The following SHC3 variants were observed in gnomAD, a reference collection of about 807,000 sequenced individuals.
SHC3 encodes the protein SHC-transforming protein 3.
Under a neutral mutation model 60.4 loss-of-function variants are expected in SHC3, and 15 were observed. The observed-to-expected ratio is 0.25, with a 90% CI of 0.17 to 0.38. The LOEUF is 0.38. Ranked by LOEUF, SHC3 falls within the 10% of genes least tolerant of loss-of-function variation. SHC3 has a pLI of 1.00. For missense variants in SHC3, 677 were observed against 786.1 expected (o/e 0.86, Z 1.66); for synonymous variants, 294 against 325.9 (o/e 0.90, Z 1.05).
Position 89,101,875 on chromosome 9 carries a change from T to C in SHC3, c.545+10681A>G, listed in dbSNP as rs1825788689. On this transcript the variant is annotated intron_variant, in intron 2 of 11. Coordinates refer to ENST00000375835, the MANE Select transcript of SHC3 (RefSeq NM_016848.6). ...AAACTGGAAAGTGTTCCCTCCTATA[T>C]TCTGGAAAAGATTGTGGAGAATTGA... 2.6e-5 allele frequency among the ~76,000 whole-genome samples: 4 copies of C among 152,148 alleles called. No homozygotes were observed. In the South Asian group the frequency reaches 8.3e-4, roughly 31 times the overall value.
At chr9:89,165,264 G>GTGTGTGTGTGTT in intron 1 of SHC3, among the ~76,000 whole-genome samples, 1 of 151,654 alleles carries the variant, frequency 6.6e-6, no homozygotes, top group African/African-American at 2.4e-5. Context: ...ACGTGTTTGT[G>GTGTGTGTGTGTT]TGTGTGTGTG....
At position 89,009,549 on chromosome 9, in the gene SHC3, C is replaced by T. The variant is rs1235084356; in HGVS notation, c.*3898G>A. 1 of 152,206 alleles carries T rather than the reference C, an allele frequency of 6.6e-6. No individual in the cohort carries two copies. The highest frequency in any genetic ancestry group is 1.5e-5 in the Non-Finnish European group (1 of 68,038). 9.4% of individuals were successfully genotyped at this position (152,206 alleles called of 1,614,324 possible). ...TTATATGTTTCATATATTTGTCAAT[C>T]CCCAGCACGCCCTCAAGCTGGGAAC... On this transcript the variant is annotated 3_prime_UTR_variant, in exon 12 of 12. Transcript: ENST00000375835.
intron 1 of SHC3, among the ~76,000 whole-genome samples, chr9:89,158,931 T>C (rs1278378845): frequency 6.6e-6 from 1 of 152,210 alleles, no homozygotes; most frequent in East Asian, 1.9e-4. Context: ...CCACCGGCTT[T>C]CTCAATTACA....
chr9:89,052,267 G>C (rs1824874296), intron 6 of SHC3, 104 bp from the exon 7 acceptor site: 1 of 1,409,488 alleles, frequency 7.1e-7, no homozygotes. Context: ...AGAGGTGCAT[G>C]CTTCTTCCAT....
chr9:89,049,476 A>G (rs570109489), intron 7 of SHC3, among the ~76,000 whole-genome samples: 60 of 152,276 alleles, frequency 3.9e-4, no homozygotes, highest in African/African-American at 1.2e-3. Context: ...AACTCCCTCC[A>G]TTCATTTTTG....
chr9:89,111,277 A>G (rs1033801329), intron 2 of SHC3, among the ~76,000 whole-genome samples: 3 of 152,122 alleles, frequency 2.0e-5, no homozygotes, highest in Non-Finnish European at 2.9e-5. Flanking sequence ...AAAAACTATC[A>G]CCACACAGGA....
At chr9:89,119,389 C>G (rs1352401718) in intron 1 of SHC3, among the ~76,000 whole-genome samples, 1 of 151,840 alleles carries the variant, frequency 6.6e-6, no homozygotes, top group Non-Finnish European at 1.5e-5. Flanking sequence ...AGTCAAAGCC[C>G]TTCACAGGTT....
At chr9:89,027,164 A>G (rs1371329384) in intron 11 of SHC3, among the ~76,000 whole-genome samples, 1 of 152,192 alleles carries the variant, frequency 6.6e-6, no homozygotes, top group Non-Finnish European at 1.5e-5. Context: ...GGCTAGACGC[A>G]TTGTCCTGGT....
intron 1 of SHC3, 129 bp downstream of exon 1, chr9:89,177,858 C>A (rs1826964867): frequency 4.5e-6 from 5 of 1,116,126 alleles, no homozygotes; most frequent in African/African-American, 3.3e-5. Context: ...CTAAGGAGTG[C>A]GCATTTGCTT....
chr9:89,031,646 A>T lies in SHC3; in HGVS notation c.1656+6347T>A, dbSNP rs184532951. Among the ~76,000 whole-genome samples the T allele has an allele frequency of 1.3e-3, 195 of 152,248 alleles. 1 individual carries two copies. The highest frequency in any genetic ancestry group is 4.6e-3 in the African/African-American group (190 of 41,530). On this transcript the variant is annotated intron_variant, in intron 11 of 11. Coordinates refer to ENST00000375835, the MANE Select transcript of SHC3 (RefSeq NM_016848.6). ...TTACTTTCTTATTTATCTGTTGATGACACTTGAATTGTTTCTACCTTTTGG... is the reference window on the plus strand; with the variant it reads ...TTACTTTCTTATTTATCTGTTGATGTCACTTGAATTGTTTCTACCTTTTGG...
chr9:89,073,857 A>C (rs1246347589), intron 4 of SHC3, among the ~76,000 whole-genome samples: 1 of 152,244 alleles, frequency 6.6e-6, no homozygotes, highest in Non-Finnish European at 1.5e-5. Flanking sequence ...AGGAGAGTGC[A>C]GAGGTGAGCC....
intron 1 of SHC3, among the ~76,000 whole-genome samples, chr9:89,138,272 A>C (rs1199486509): frequency 6.6e-6 from 1 of 152,252 alleles, no homozygotes; most frequent in African/African-American, 2.4e-5. Context: ...TTAAGAAAGT[A>C]AAGGAATAAG....
chr9:89,043,558 G>C (rs556973125), intron 9 of SHC3, among the ~76,000 whole-genome samples: 245 of 152,284 alleles, frequency 1.6e-3, no homozygotes, highest in African/African-American at 5.7e-3. Flanking sequence ...ACGTGCCATC[G>C]TGATACCTGG....
intron 11 of SHC3, among the ~76,000 whole-genome samples, chr9:89,027,921 A>G (rs953136919): frequency 1.3e-5 from 2 of 152,232 alleles, no homozygotes; most frequent in Non-Finnish European, 2.9e-5. Context: ...ACTCCTCAGT[A>G]ACTGAGCCTG....
intron 6 of SHC3, among the ~76,000 whole-genome samples, 157 bp downstream of exon 6, chr9:89,065,372 C>T (rs112028136): frequency 3.9e-5 from 6 of 152,168 alleles, no homozygotes; most frequent in African/African-American, 1.4e-4. Flanking sequence ...CTCAGCCAAG[C>T]GATCTACAAC....
At position 89,038,342 on chromosome 9, in the gene SHC3, T is replaced by TAAA. The variant is rs4061828; in HGVS notation, c.1361-57_1361-55dup. On this transcript the variant is annotated intron_variant, in intron 10 of 11. Transcript: ENST00000375835. ...AGTCAATCCCAAGAAGAGCAAATGATAAAAAAAAAAAAAAAAAAATACAGT... is the reference window on the plus strand; with the variant it reads ...AGTCAATCCCAAGAAGAGCAAATGATAAAAAAAAAAAAAAAAAAAAAATACAGT... The TAAA allele has an allele frequency of 2.5e-4, 309 of 1,232,026 alleles. No individual in the cohort carries two copies. The African/African-American group carries it at 5.0e-3, about 20-fold the overall frequency. 76.3% of individuals were successfully genotyped at this position (1,232,026 alleles called of 1,614,324 possible).
Position 89,153,856 on chromosome 9 carries a change from G to A in SHC3, c.474+24131C>T, listed in dbSNP as rs564297245. 6.9e-4 allele frequency among the ~76,000 whole-genome samples: 105 copies of A among 152,346 alleles called. 1 individual carries two copies. Among genetic ancestry groups the A allele is most frequent in the African/African-American group, 2.5e-3 (104 of 41,582 alleles). On this transcript the variant is annotated intron_variant, in intron 1 of 11. Coordinates refer to ENST00000375835, the MANE Select transcript of SHC3 (RefSeq NM_016848.6). ...AAGTGAGCTCTGGGTTTAACAGTAG[G>A]ACTGGGGATGGCTCAGACTGCGGAC...
At chr9:89,125,802 T>C (rs1826155847) in intron 1 of SHC3, among the ~76,000 whole-genome samples, 1 of 152,072 alleles carries the variant, frequency 6.6e-6, no homozygotes, top group Admixed American at 6.6e-5. Flanking sequence ...GAACCCTCAG[T>C]TCCAGGAATT....
intron 2 of SHC3, among the ~76,000 whole-genome samples, chr9:89,105,469 T>C (rs1008867567): frequency 2.6e-5 from 4 of 152,184 alleles, no homozygotes; most frequent in Admixed American, 6.5e-5. Context: ...CTATATAAAA[T>C]TGCTGATACT....
Sources: allele counts gnomAD v4.1 joint callset (sites outside exome capture counted in the v4.1 genomes callset), GRCh38; gene constraint gnomAD v4.1.1; transcripts MANE v1.5; gene names NCBI Gene and HGNC (gene_info 2026-07-23, HGNC 2026-07-21).